RNF212B: variants seen among roughly 807,000 people sequenced by gnomAD.
RNF212B encodes ring finger protein 212B.
A neutral mutation model predicts 55.5 loss-of-function variants in RNF212B; 52 were observed. The observed-to-expected ratio is 0.94, with a 90% confidence interval of 0.75 to 1.18. The LOEUF (loss-of-function observed/expected upper bound fraction) is 1.18, where lower values mean the gene tolerates loss of function less well. Among genes scored for constraint, RNF212B ranks in the 50% most tolerant of loss-of-function variants. The probability of loss-of-function intolerance (pLI) is 0.00; values close to 1 mark genes in which losing one functional copy is unlikely to be tolerated. For synonymous variants in RNF212B, 99 were observed against 121.4 expected, an observed-to-expected ratio of 0.82 and a Z score of 1.21; for missense variants, 289 against 350.4, an observed-to-expected ratio of 0.82 and a Z score of 1.40.
intron 4 of RNF212B, among the ~76,000 whole-genome samples, 155 bp downstream of exon 4, chr14:23,244,551 A>G (rs935744783): frequency 6.6e-5 from 10 of 152,214 alleles, no homozygotes; most frequent in African/African-American, 2.4e-4. Context: ...ACAAATTTCA[A>G]TCAGTTAACT....
chr14:23,263,485 A>C (rs1885451550), intron 9 of RNF212B, among the ~76,000 whole-genome samples: 1 of 152,258 alleles, frequency 6.6e-6, no homozygotes, highest in African/African-American at 2.4e-5. Context: ...ACTGGTAATC[A>C]ATGACTGGGG....
At chr14:23,267,130 G>T (rs895473571) in intron 11 of RNF212B, among the ~76,000 whole-genome samples, 3 of 151,690 alleles carry the variant, frequency 2.0e-5, no homozygotes, top group African/African-American at 7.3e-5. Flanking sequence ...CACCACGCCT[G>T]GCTAGTTTTT....
At chr14:23,190,081 T>C (rs1393493531) in intron 1 of RNF212B, among the ~76,000 whole-genome samples, 4 of 152,144 alleles carry the variant, frequency 2.6e-5, no homozygotes, top group Admixed American at 6.6e-5. Context: ...CTAATGGCTC[T>C]GGAGCACCCA....
chr14:23,215,777 A>G (rs1373446536), intron 2 of RNF212B, among the ~76,000 whole-genome samples: 1 of 152,260 alleles, frequency 6.6e-6, no homozygotes, highest in Non-Finnish European at 1.5e-5. Context: ...CACATGGAAC[A>G]CAATTAGTGA....
At chr14:23,254,762 T>A (rs1279376673) in intron 4 of RNF212B, among the ~76,000 whole-genome samples, 1 of 152,200 alleles carries the variant, frequency 6.6e-6, no homozygotes, top group African/African-American at 2.4e-5. Flanking sequence ...TCTTGTCTTA[T>A]CATAGTAAAC....
intron 2 of RNF212B, among the ~76,000 whole-genome samples, chr14:23,242,094 A>C (rs1449203765): frequency 1.5e-5 from 2 of 129,150 alleles, no homozygotes; most frequent in African/African-American, 5.7e-5. Flanking sequence ...AAAAAAAAAA[A>C]AAAAAAAAAA....
At chr14:23,238,929 T>A (rs1054379967) in intron 1 of RNF212B, among the ~76,000 whole-genome samples, 11 of 152,124 alleles carry the variant, frequency 7.2e-5, no homozygotes, top group African/African-American at 1.9e-4. Context: ...ACATGGGGAA[T>A]CAGGAGACCA....
At chr14:23,216,816 GT>G (rs1395900487) in intron 2 of RNF212B, among the ~76,000 whole-genome samples, 1 of 131,328 alleles carries the variant, frequency 7.6e-6, no homozygotes, top group Non-Finnish European at 1.6e-5. Flanking sequence ...GGGAACAGAG[GT>G]TGCAGTGAGC....
intron 2 of RNF212B, among the ~76,000 whole-genome samples, chr14:23,194,087 C>T (rs1181710086): frequency 2.0e-5 from 3 of 152,172 alleles, no homozygotes; most frequent in Non-Finnish European, 4.4e-5. Flanking sequence ...GGTGATCCAC[C>T]CGCCTCGGCC....
intron 2 of RNF212B, among the ~76,000 whole-genome samples, chr14:23,201,681 T>C (rs1370611293): frequency 6.6e-6 from 1 of 152,210 alleles, no homozygotes; most frequent in Admixed American, 6.5e-5. Flanking sequence ...GTTTGTCAAA[T>C]ATAAAAGGTT....
intron 4 of RNF212B, among the ~76,000 whole-genome samples, chr14:23,249,915 A>G (rs149063961): frequency 6.6e-6 from 1 of 152,314 alleles, no homozygotes; most frequent in African/African-American, 2.4e-5. Context: ...AATCTGAACA[A>G]GTAACTGCCT....
chr14:23,195,114 A>C (rs1228869522), intron 2 of RNF212B, among the ~76,000 whole-genome samples: 1 of 152,124 alleles, frequency 6.6e-6, no homozygotes, highest in Non-Finnish European at 1.5e-5. Flanking sequence ...AATAACTAGA[A>C]GTTAACTGAC....
At chr14:23,199,334 CA>C (rs1879054439) in intron 2 of RNF212B, among the ~76,000 whole-genome samples, 2 of 152,038 alleles carry the variant, frequency 1.3e-5, no homozygotes, top group Non-Finnish European at 2.9e-5. Flanking sequence ...AGGTGATACA[CA>C]AATGGTTACA....
At chr14:23,223,586 AC>A (rs1369950203) in intron 2 of RNF212B, among the ~76,000 whole-genome samples, 1 of 151,896 alleles carries the variant, frequency 6.6e-6, no homozygotes, top group Non-Finnish European at 1.5e-5. Flanking sequence ...CGATCTCCTG[AC>A]CCCGTGATCT....
intron 4 of RNF212B, among the ~76,000 whole-genome samples, chr14:23,254,302 C>CA (rs1884632574): frequency 7.3e-6 from 1 of 137,396 alleles, no homozygotes; most frequent in Non-Finnish European, 1.6e-5. Context: ...CAAAACAAAA[C>CA]AAAACAAAAC....
chr14:23,255,303 A>G (rs573146279), intron 4 of RNF212B, among the ~76,000 whole-genome samples: 31 of 152,338 alleles, frequency 2.0e-4, no homozygotes, highest in Middle Eastern at 3.4e-3. Context: ...GCCAGTTAAT[A>G]TCTTTAAACT....
chr14:23,238,761 T>C (rs149097571), intron 1 of RNF212B, among the ~76,000 whole-genome samples: 5,889 of 145,310 alleles, frequency 0.041, 153 homozygotes, highest in South Asian at 0.072. Flanking sequence ...ATAATAATAA[T>C]AATAATAATA....
chr14:23,236,494 G>A (rs1399225475), upstream of RNF212B, among the ~76,000 whole-genome samples: 2 of 152,042 alleles, frequency 1.3e-5, no homozygotes, highest in Non-Finnish European at 2.9e-5. Flanking sequence ...CAGCCCTGGC[G>A]ACAGAGTGAG....
chr14:23,231,259 C>G (rs1324520448), intron 2 of RNF212B, among the ~76,000 whole-genome samples: 1 of 152,148 alleles, frequency 6.6e-6, no homozygotes, highest in Non-Finnish European at 1.5e-5. Flanking sequence ...TTGTGCCTCT[C>G]CTTGATTAAA....
Sources: gnomAD v4.1 joint callset for allele counts (sites outside exome capture counted in the v4.1 genomes callset) on GRCh38, gnomAD v4.1.1 for gene constraint, MANE v1.5 for transcripts, NCBI Gene and HGNC (gene_info 2026-07-23, HGNC 2026-07-21) for gene names.